The following SETBP1 variants were observed in gnomAD, a reference collection of about 807,000 sequenced individuals.
The protein encoded by SETBP1 is SET binding protein 1.
A neutral mutation model predicts 101.0 loss-of-function variants in SETBP1; 9 were observed. The ratio of observed to expected loss-of-function variants is 0.09; its 90% CI spans 0.05 to 0.16. The LOEUF is 0.16. Among genes scored for constraint, SETBP1 ranks in the 10% least tolerant of loss-of-function variants. The pLI is 1.00. For missense variants in SETBP1, 1,858 were observed against 2,033.8 expected, an observed-to-expected ratio of 0.91 and a Z score of 1.66; for synonymous variants, 818 against 788.5, an observed-to-expected ratio of 1.04 and a Z score of -0.63.
chr18:44,704,574 T>C (rs1241293938), intron 2 of SETBP1, among the ~76,000 whole-genome samples: 1 of 152,218 alleles, frequency 6.6e-6, no homozygotes, highest in Non-Finnish European at 1.5e-5. Flanking sequence ...TCTCAATTAC[T>C]TGATAGATGA....
At chr18:44,980,111 A>G (rs2072079293) in intron 4 of SETBP1, among the ~76,000 whole-genome samples, 1 of 152,208 alleles carries the variant, frequency 6.6e-6, no homozygotes, top group African/African-American at 2.4e-5. Flanking sequence ...CAAAGCCAGG[A>G]GCCTATAATA....
chr18:44,865,446 G>A lies in SETBP1; in HGVS notation c.487-3784G>A, dbSNP rs144152420. ...ACAATGATTTTCTCCTCTTCTCCAG[G>A]GACCTCCAACTGCCTCCCTCAGGCC... On this transcript the variant is annotated intron_variant, in intron 2 of 5. Coordinates refer to ENST00000649279, the MANE Select transcript of SETBP1 (RefSeq NM_015559.3). Among the ~76,000 whole-genome samples, 793 of 152,160 alleles carry A rather than the reference G, an allele frequency of 5.2e-3. 8 individuals are homozygous for A. Among genetic ancestry groups the A allele is most frequent in the African/African-American group, 0.018 (736 of 41,494 alleles).
intron 4 of SETBP1, among the ~76,000 whole-genome samples, chr18:45,009,037 G>T (rs2072784480): frequency 6.6e-6 from 1 of 152,128 alleles, no homozygotes; most frequent in Non-Finnish European, 1.5e-5. Context: ...ACCGTGTGCT[G>T]TGGTGGCAAC....
chr18:44,995,881 C>T (rs557606163), intron 4 of SETBP1, among the ~76,000 whole-genome samples: 64 of 152,298 alleles, frequency 4.2e-4, no homozygotes, highest in Admixed American at 1.5e-3. Flanking sequence ...TAAACACTTC[C>T]CATTAGGCCC....
Position 44,767,769 on chromosome 18 carries a change from T to C in SETBP1, c.486+65937T>C, listed in dbSNP as rs1485402952. ...TTTAAATGTTTGACATCATCACTTATTTACAGCGTAGATATTAAGTGGGAA... is the reference window on the plus strand; with the variant it reads ...TTTAAATGTTTGACATCATCACTTACTTACAGCGTAGATATTAAGTGGGAA... On this transcript the variant is annotated intron_variant, in intron 2 of 5. Transcript: ENST00000649279. 4.6e-5 allele frequency among the ~76,000 whole-genome samples: 7 copies of C among 152,338 alleles called. No homozygotes were observed. The East Asian group carries it at 1.3e-3, about 29-fold the overall frequency.
rs532944256 is a variant in SETBP1 at position 44,821,414 on chromosome 18, G to A, written c.487-47816G>A. Among the ~76,000 whole-genome samples, 137 of 152,176 alleles carry A rather than the reference G, an allele frequency of 9.0e-4. 1 individual carries two copies. The highest frequency in any genetic ancestry group is 3.1e-3 in the East Asian group (16 of 5,178). Reference sequence around the variant, plus strand: ...TTTCTGTGTCCCTATACATCCTTGCGGGGCCCTACCTCTGCCTCAAATGCT... The same window carrying A: ...TTTCTGTGTCCCTATACATCCTTGCAGGGCCCTACCTCTGCCTCAAATGCT... On this transcript the variant is annotated intron_variant, in intron 2 of 5. Coordinates refer to ENST00000649279, the MANE Select transcript of SETBP1 (RefSeq NM_015559.3).
chr18:44,736,293 C>A (rs578234068), intron 2 of SETBP1, among the ~76,000 whole-genome samples: 2 of 152,162 alleles, frequency 1.3e-5, no homozygotes, highest in East Asian at 3.9e-4. Flanking sequence ...GAAGAAGGAT[C>A]ATTTGAGCCT....
chr18:44,722,014 A>G (rs1213585611), intron 2 of SETBP1, among the ~76,000 whole-genome samples: 2 of 151,236 alleles, frequency 1.3e-5, no homozygotes, highest in African/African-American at 4.9e-5. Flanking sequence ...GGACATGTGT[A>G]TGTGAGAGGG....
chr18:44,754,109 T>C (rs774377699), intron 2 of SETBP1, among the ~76,000 whole-genome samples: 3 of 152,216 alleles, frequency 2.0e-5, no homozygotes, highest in Non-Finnish European at 4.4e-5. Context: ...TGAGACAGCT[T>C]CCCCAGTATT....
intron 4 of SETBP1, among the ~76,000 whole-genome samples, chr18:45,014,516 CTGT>C (rs1176576888): frequency 6.6e-6 from 1 of 152,202 alleles, no homozygotes; most frequent in African/African-American, 2.4e-5. Flanking sequence ...AATAAATATG[CTGT>C]TGTTTAACTG....
At chr18:44,919,687 G>C (rs1004287471) in intron 3 of SETBP1, among the ~76,000 whole-genome samples, 3 of 150,802 alleles carry the variant, frequency 2.0e-5, no homozygotes, top group African/African-American at 7.3e-5. Context: ...TATCCTCTCT[G>C]GTTTTTCCTT....
chr18:44,746,334 A>G (rs974803681), intron 2 of SETBP1, among the ~76,000 whole-genome samples: 1 of 152,214 alleles, frequency 6.6e-6, no homozygotes, highest in African/African-American at 2.4e-5. Context: ...TAGCGTTGCT[A>G]GCTTGGCACA....
rs188432385 is a variant in SETBP1 at position 44,722,233 on chromosome 18, A to G, written c.486+20401A>G. On this transcript the variant is annotated intron_variant, in intron 2 of 5. Transcript: ENST00000649279. Reference sequence around the variant, plus strand: ...GATTTGACTGGGCTCTAAGCTCAGTAGGAGAGGAAGGAATCCTGGGAACCT... The same window carrying G: ...GATTTGACTGGGCTCTAAGCTCAGTGGGAGAGGAAGGAATCCTGGGAACCT... 2.1e-4 allele frequency among the ~76,000 whole-genome samples: 32 copies of G among 152,322 alleles called. 1 individual carries two copies. The highest frequency in any genetic ancestry group is 6.8e-3 in the Middle Eastern group (2 of 294).
At chr18:44,809,469 T>C (rs1432544584) in intron 2 of SETBP1, among the ~76,000 whole-genome samples, 1 of 152,144 alleles carries the variant, frequency 6.6e-6, no homozygotes, top group African/African-American at 2.4e-5. Flanking sequence ...AAAAGGAAAA[T>C]TCATCTGAAA....
intron 2 of SETBP1, among the ~76,000 whole-genome samples, chr18:44,725,726 C>A (rs1249083897): frequency 6.6e-6 from 1 of 152,122 alleles, no homozygotes; most frequent in African/African-American, 2.4e-5. Context: ...TCCCCCTCGG[C>A]CCCCTGACTT....
At chr18:44,777,662 C>G (rs551454415) in intron 2 of SETBP1, among the ~76,000 whole-genome samples, 1 of 152,270 alleles carries the variant, frequency 6.6e-6, no homozygotes, top group East Asian at 1.9e-4. Flanking sequence ...TCCTGGACAC[C>G]CGTCAAGGAG....
chr18:44,926,438 G>A (rs180840010), intron 3 of SETBP1, among the ~76,000 whole-genome samples: 20 of 152,282 alleles, frequency 1.3e-4, no homozygotes, highest in African/African-American at 4.1e-4. Flanking sequence ...AGGAAGTGCC[G>A]CAGAAAGATG....
intron 3 of SETBP1, among the ~76,000 whole-genome samples, chr18:44,940,804 T>C (rs2071071375): frequency 6.6e-6 from 1 of 152,196 alleles, no homozygotes; most frequent in African/African-American, 2.4e-5. Flanking sequence ...TTTACTATTT[T>C]CAGCACTTTT....
chr18:45,049,444 C>T lies in SETBP1; in HGVS notation c.4171+10789C>T, dbSNP rs144915371. ...CTACACTCGTGTTTTGGTTGGCCTA[C>T]GGAAGGTTATAAATTTTAAAAAATT... On this transcript the variant is annotated intron_variant, in intron 5 of 5. Coordinates refer to ENST00000649279, the MANE Select transcript of SETBP1 (RefSeq NM_015559.3). Among the ~76,000 whole-genome samples, 7 of 152,164 alleles carry T rather than the reference C, an allele frequency of 4.6e-5. No homozygotes were observed. The South Asian group carries it at 1.5e-3, about 32-fold the overall frequency.
Sources: gnomAD v4.1 joint callset for allele counts (sites outside exome capture counted in the v4.1 genomes callset) on GRCh38, gnomAD v4.1.1 for gene constraint, MANE v1.5 for transcripts, NCBI Gene and HGNC (gene_info 2026-07-23, HGNC 2026-07-21) for gene names.